The following USP7 variants were observed in gnomAD, a reference collection of about 807,000 sequenced individuals.
USP7 encodes the protein ubiquitin C-terminal hydrolase 7.
Under a neutral mutation model 162.9 loss-of-function variants are expected in USP7, and 9 were observed. That is an observed-to-expected ratio of 0.06 (90% confidence interval 0.03 to 0.10). The LOEUF is 0.10. USP7 is among the 10% of genes least tolerant of loss of function. The pLI is 1.00. For missense variants in USP7, 715 were observed against 1,373.7 expected, an observed-to-expected ratio of 0.52 and a Z score of 7.58; for synonymous variants, 562 against 475.9, an observed-to-expected ratio of 1.18 and a Z score of -2.35.
chr16:8,946,535 C>A (rs1438161910), intron 1 of USP7, among the ~76,000 whole-genome samples: 1 of 152,224 alleles, frequency 6.6e-6, no homozygotes, highest in Non-Finnish European at 1.5e-5. Context: ...AATCGCGTAT[C>A]TTACAAAGAC....
At chr16:8,933,071 G>A (rs1898465427) in intron 1 of USP7, among the ~76,000 whole-genome samples, 1 of 151,988 alleles carries the variant, frequency 6.6e-6, no homozygotes, top group Non-Finnish European at 1.5e-5. Flanking sequence ...TTCCCAAATG[G>A]CTGGGATTAC....
chr16:8,912,767 A>G (rs2061967985), intron 10 of USP7, among the ~76,000 whole-genome samples: 2 of 152,204 alleles, frequency 1.3e-5, no homozygotes, highest in African/African-American at 4.8e-5. Context: ...CCAAATAATT[A>G]TAATTAATTG....
chr16:8,920,306 T>A, intron 5 of USP7, 53 bp downstream of exon 5: 3 of 1,490,794 alleles, frequency 2.0e-6, no homozygotes, highest in Non-Finnish European at 2.8e-6. Context: ...AAAGCTTCTT[T>A]CACTGCAGCA....
At chr16:8,935,182 C>A (rs1327344748) in intron 1 of USP7, among the ~76,000 whole-genome samples, 1 of 151,462 alleles carries the variant, frequency 6.6e-6, no homozygotes. Context: ...TTTGGCCAAA[C>A]ACTTGAGCTA....
chr16:8,900,908 A>C, intron 20 of USP7, 82 bp downstream of exon 20: 2 of 1,427,452 alleles, frequency 1.4e-6, no homozygotes, highest in Non-Finnish European at 1.9e-6. Context: ...ACACTGTAAC[A>C]AATTCGGGGT....
Position 8,897,158 on chromosome 16 carries a change from CA to C in USP7, c.2719-60del, listed in dbSNP as rs536416783. ...AGAAAGCATAAAAGGTCTGCTACCACAAAGGAAGAGAGGAGAAAGTTGCATC... is the reference window on the plus strand; with the variant it reads ...AGAAAGCATAAAAGGTCTGCTACCACAAGGAAGAGAGGAGAAAGTTGCATC... On this transcript the variant is annotated intron_variant, in intron 25 of 30. Coordinates refer to ENST00000344836, the MANE Select transcript of USP7 (RefSeq NM_003470.3). 3,183 of 1,329,608 alleles carry C rather than the reference CA, an allele frequency of 2.4e-3. 10 individuals carry two copies. Among genetic ancestry groups the C allele is most frequent in the Non-Finnish European group, 2.5e-3 (2,292 of 927,766 alleles). 82.4% of individuals were successfully genotyped at this position (1,329,608 alleles called of 1,614,324 possible). A position where few individuals can be genotyped will look rare whatever the true frequency, so the allele number is the denominator to read the frequency against.
chr16:8,947,353 C>T (rs113023041), intron 1 of USP7, among the ~76,000 whole-genome samples: 66 of 151,966 alleles, frequency 4.3e-4, no homozygotes, highest in Non-Finnish European at 4.6e-4. Context: ...CACTCCCCCC[C>T]CCAACACACA....
chr16:8,918,486 G>A (rs574398043), intron 6 of USP7, among the ~76,000 whole-genome samples: 2 of 152,228 alleles, frequency 1.3e-5, no homozygotes, highest in South Asian at 2.1e-4. Flanking sequence ...ACCTTCACAA[G>A]GTGATTTCTA....
Position 8,893,900 on chromosome 16 carries a change from T to C in USP7, c.*98A>G. The C allele has an allele frequency of 9.5e-7, 1 of 1,048,834 alleles. No individual in the cohort carries two copies. Among genetic ancestry groups the C allele is most frequent in the Non-Finnish European group, 1.5e-6 (1 of 673,482 alleles). The allele number at this position is 1,048,834 out of a possible 1,614,324, so 65.0% of individuals were successfully genotyped here. On this transcript the variant is annotated 3_prime_UTR_variant, in exon 31 of 31. Transcript: ENST00000344836. ...AATTAACACCAGCAGCGAATCCTCTTGCTGAAGACTTCGGCTAGAGGGCAC... is the reference window on the plus strand; with the variant it reads ...AATTAACACCAGCAGCGAATCCTCTCGCTGAAGACTTCGGCTAGAGGGCAC...
chr16:8,899,855 G>C (rs1386654354), intron 21 of USP7, 98 bp from the exon 22 acceptor site: 1 of 1,389,510 alleles, frequency 7.2e-7, no homozygotes, highest in Non-Finnish European at 1.0e-6. Context: ...GACACCAACA[G>C]GCTCTCTTGC....
chr16:8,961,511 G>GT (rs1206247284), intron 1 of USP7, among the ~76,000 whole-genome samples: 1 of 130,436 alleles, frequency 7.7e-6, no homozygotes, highest in Admixed American at 7.8e-5. Flanking sequence ...AAAAGGGGGG[G>GT]GGGGGCAAAT....
intron 13 of USP7, among the ~76,000 whole-genome samples, chr16:8,906,145 C>T (rs1317964349): frequency 3.9e-5 from 6 of 152,224 alleles, no homozygotes; most frequent in African/African-American, 1.2e-4. Context: ...AATTATCCCA[C>T]GAGCATTCAG....
chr16:8,948,816 T>A (rs1010116342), intron 1 of USP7, among the ~76,000 whole-genome samples: 1 of 152,166 alleles, frequency 6.6e-6, no homozygotes, highest in Middle Eastern at 3.4e-3. Context: ...ATACAAAACT[T>A]AGCCAGGCGT....
intron 5 of USP7, among the ~76,000 whole-genome samples, chr16:8,919,831 C>T (rs950805029): frequency 6.6e-6 from 1 of 152,116 alleles, no homozygotes; most frequent in Non-Finnish European, 1.5e-5. Context: ...GGGGGAGACA[C>T]CTACTGCGCA....
intron 2 of USP7, among the ~76,000 whole-genome samples, chr16:8,925,502 G>T (rs1162092255): frequency 6.6e-6 from 1 of 152,058 alleles, no homozygotes; most frequent in African/African-American, 2.4e-5. Context: ...AATACATATT[G>T]TAAGTGCTTT....
chr16:8,963,185 G>C, intron 1 of USP7, 22 bp downstream of exon 1: 1 of 1,401,702 alleles, frequency 7.1e-7, no homozygotes, highest in East Asian at 3.5e-5. Context: ...CGGCCCCGCC[G>C]CGGCCGGCCC....
intron 10 of USP7, among the ~76,000 whole-genome samples, chr16:8,913,560 G>A (rs920179543): frequency 3.3e-5 from 5 of 151,948 alleles, no homozygotes; most frequent in African/African-American, 9.7e-5. Flanking sequence ...AGTCTACACC[G>A]AGTTAAAATG....
intron 1 of USP7, among the ~76,000 whole-genome samples, chr16:8,935,003 A>G (rs1236687859): frequency 6.6e-6 from 1 of 152,228 alleles, no homozygotes; most frequent in Non-Finnish European, 1.5e-5. Context: ...CACACAAGAA[A>G]TCTGTACTAG....
At chr16:8,939,976 T>TA (rs1898960018) in intron 1 of USP7, among the ~76,000 whole-genome samples, 1 of 152,144 alleles carries the variant, frequency 6.6e-6, no homozygotes, top group East Asian at 1.9e-4. Context: ...CACATGCCTG[T>TA]AATCCAAGCT....
Sources: allele counts gnomAD v4.1 joint callset (sites outside exome capture counted in the v4.1 genomes callset), GRCh38; gene constraint gnomAD v4.1.1; transcripts MANE v1.5; gene names NCBI Gene and HGNC (gene_info 2026-07-23, HGNC 2026-07-21).